UNC5C: variants seen among roughly 807,000 people sequenced by gnomAD.
The protein encoded by UNC5C is unc-5 netrin receptor C.
A neutral mutation model predicts 99.8 loss-of-function variants in UNC5C; 47 were observed. That is an observed-to-expected ratio of 0.47 (90% confidence interval 0.37 to 0.60). UNC5C has a LOEUF of 0.60. Among genes scored for constraint, UNC5C ranks in the 20% least tolerant of loss-of-function variants. The pLI is 0.00. For synonymous variants in UNC5C, 487 were observed against 452.2 expected (o/e 1.08, Z -0.98); for missense variants, 1,062 against 1,165.9 (o/e 0.91, Z 1.30).
At chr4:95,334,476 A>G (rs372268397) in intron 2 of UNC5C, among the ~76,000 whole-genome samples, 111 of 152,116 alleles carry the variant, frequency 7.3e-4, no homozygotes, top group African/African-American at 2.2e-3. Flanking sequence ...ATATGTCAAC[A>G]TTACAAAATC....
intron 1 of UNC5C, among the ~76,000 whole-genome samples, chr4:95,392,042 G>C (rs1447526769): frequency 1.3e-5 from 2 of 152,200 alleles, no homozygotes; most frequent in African/African-American, 4.8e-5. Flanking sequence ...GGGTGACAGA[G>C]TGAGACTCCA....
chr4:95,201,888 GCCA>G (rs1737687389), intron 12 of UNC5C, among the ~76,000 whole-genome samples: 1 of 152,182 alleles, frequency 6.6e-6, no homozygotes, highest in African/African-American at 2.4e-5. Flanking sequence ...ACAGGCGTGA[GCCA>G]CCACACCCGG....
At chr4:95,351,981 C>A (rs1744009764) in intron 1 of UNC5C, among the ~76,000 whole-genome samples, 1 of 152,052 alleles carries the variant, frequency 6.6e-6, no homozygotes, top group African/African-American at 2.4e-5. Flanking sequence ...ATGTCTTCGA[C>A]CTTTCCCTTT....
intron 1 of UNC5C, among the ~76,000 whole-genome samples, chr4:95,443,854 T>C (rs1186478006): frequency 6.6e-6 from 1 of 152,196 alleles, no homozygotes; most frequent in Non-Finnish European, 1.5e-5. Flanking sequence ...CTCTCTTGAA[T>C]AATACAAACA....
At chr4:95,463,806 T>C (rs1367014413) in intron 1 of UNC5C, among the ~76,000 whole-genome samples, 1 of 152,178 alleles carries the variant, frequency 6.6e-6, no homozygotes, top group Non-Finnish European at 1.5e-5. Flanking sequence ...GGGTACTCCA[T>C]ATACAAAGAT....
intron 1 of UNC5C, among the ~76,000 whole-genome samples, chr4:95,409,652 C>A (rs1745924636): frequency 6.6e-6 from 1 of 152,132 alleles, no homozygotes; most frequent in African/African-American, 2.4e-5. Flanking sequence ...AAAAAATATC[C>A]TCTATGAGTC....
chr4:95,426,907 G>A (rs1169201006), intron 1 of UNC5C, among the ~76,000 whole-genome samples: 1 of 152,210 alleles, frequency 6.6e-6, no homozygotes, highest in African/African-American at 2.4e-5. Flanking sequence ...TGCTGATGTA[G>A]AAACTGTAGC....
At chr4:95,492,926 T>C (rs192132038) in intron 1 of UNC5C, among the ~76,000 whole-genome samples, 80 of 151,630 alleles carry the variant, frequency 5.3e-4, no homozygotes, top group Admixed American at 3.0e-3. Context: ...ATATATTGAG[T>C]AGTAAATAAC....
At chr4:95,273,991 C>G (rs1317688902) in intron 4 of UNC5C, among the ~76,000 whole-genome samples, 1 of 152,168 alleles carries the variant, frequency 6.6e-6, no homozygotes, top group Non-Finnish European at 1.5e-5. Context: ...GGGCCTCTTT[C>G]TGTCATTTAG....
chr4:95,267,967 T>TTTTTTTTA (rs1439686260), intron 4 of UNC5C, among the ~76,000 whole-genome samples: 1 of 148,476 alleles, frequency 6.7e-6, no homozygotes, highest in Non-Finnish European at 1.5e-5. Context: ...TTTTTTTTTT[T>TTTTTTTTA]GAGACGGAGT....
chr4:95,429,852 T>C (rs1290000322), intron 1 of UNC5C, among the ~76,000 whole-genome samples: 1 of 152,114 alleles, frequency 6.6e-6, no homozygotes, highest in African/African-American at 2.4e-5. Flanking sequence ...TATCAAGCCT[T>C]GTAAAGACAT....
intron 7 of UNC5C, among the ~76,000 whole-genome samples, chr4:95,236,625 A>G (rs1013807113): frequency 1.3e-5 from 2 of 151,974 alleles, no homozygotes; most frequent in Non-Finnish European, 2.9e-5. Flanking sequence ...AATAGAAAGC[A>G]TATAGAAAAA....
chr4:95,339,407 G>A (rs940559711), intron 1 of UNC5C, among the ~76,000 whole-genome samples: 7 of 151,898 alleles, frequency 4.6e-5, no homozygotes, highest in African/African-American at 1.5e-4. Flanking sequence ...TGAAGTGGTA[G>A]ACTGTTTACT....
chr4:95,539,157 G>A (rs62306030), intron 1 of UNC5C, among the ~76,000 whole-genome samples: 4 of 152,182 alleles, frequency 2.6e-5, no homozygotes, highest in Non-Finnish European at 4.4e-5. Context: ...CACCCAGAGA[G>A]GGGTTCATAA....
chr4:95,206,105 G>T (rs1447411893), intron 11 of UNC5C, among the ~76,000 whole-genome samples: 2 of 151,398 alleles, frequency 1.3e-5, no homozygotes, highest in Non-Finnish European at 2.9e-5. Flanking sequence ...GGTTCAAGCG[G>T]TTCTCCTGCC....
intron 12 of UNC5C, among the ~76,000 whole-genome samples, chr4:95,195,275 C>A (rs567554044): frequency 6.6e-6 from 1 of 152,282 alleles, no homozygotes; most frequent in Admixed American, 6.5e-5. Context: ...GTGGCACAGC[C>A]AGTCACGGCA....
In UNC5C at chr4:95,185,962, C is replaced by CTT. The variant is rs371612795; in HGVS notation, c.2137-768_2137-767dup. Among the ~76,000 whole-genome samples, 34 of 117,102 alleles carry CTT rather than the reference C, an allele frequency of 2.9e-4. No homozygotes were observed. In the East Asian group the frequency reaches 7.1e-3, roughly 24 times the overall value. 76.8% of individuals were successfully genotyped at this position (117,102 alleles called of 152,430 possible). Reference sequence around the variant, plus strand: ...ATGAAAAAATTTGCTACATAATTTTCTTATACTATACAGATACAACATAAA... The same window carrying CTT: ...ATGAAAAAATTTGCTACATAATTTTCTTTTATACTATACAGATACAACATAAA... On this transcript the variant is annotated intron_variant, in intron 12 of 15. Coordinates refer to ENST00000453304, the MANE Select transcript of UNC5C (RefSeq NM_003728.4).
chr4:95,468,990 A>G (rs1747884012), intron 1 of UNC5C, among the ~76,000 whole-genome samples: 1 of 152,128 alleles, frequency 6.6e-6, no homozygotes, highest in Non-Finnish European at 1.5e-5. Flanking sequence ...CTGTCAGCTG[A>G]TGTTTTTCTT....
chr4:95,321,151 G>A (rs990605468), intron 2 of UNC5C, among the ~76,000 whole-genome samples: 1 of 152,034 alleles, frequency 6.6e-6, no homozygotes, highest in African/African-American at 2.4e-5. Context: ...TTCCCCATGG[G>A]ATATAATTAA....
Sources: allele counts gnomAD v4.1 joint callset (sites outside exome capture counted in the v4.1 genomes callset), GRCh38; gene constraint gnomAD v4.1.1; transcripts MANE v1.5; gene names NCBI Gene and HGNC (gene_info 2026-07-23, HGNC 2026-07-21).